The following RELN variants were observed in gnomAD, a reference collection of about 807,000 sequenced individuals.
The protein encoded by RELN is reelin.
In RELN, 108 loss-of-function variants were observed where a neutral mutation model predicts 427.6. The ratio of observed to expected loss-of-function variants is 0.25; its 90% confidence interval spans 0.22 to 0.30. The LOEUF is 0.30. RELN is among the 10% of genes least tolerant of loss of function. The pLI, the probability that RELN is intolerant of heterozygous loss-of-function variation, is 1.00. For synonymous variants in RELN, 1,524 were observed against 1,513.4 expected (o/e 1.01, Z -0.16); for missense variants, 3,715 against 4,302.8 (o/e 0.86, Z 3.82).
chr7:103,926,229 T>C lies in RELN; in HGVS notation c.227-9044A>G, dbSNP rs185044222. On this transcript the variant is annotated intron_variant, in intron 1 of 64. Transcript: ENST00000428762. Reference sequence around the variant, plus strand: ...GATTGTTCTGCCTCAGCCTCCCAAGTAGCTGGGACTACGGGTACGTGCCAT... The same window carrying C: ...GATTGTTCTGCCTCAGCCTCCCAAGCAGCTGGGACTACGGGTACGTGCCAT... Among the ~76,000 whole-genome samples, 356 of 150,014 alleles carry C rather than the reference T, an allele frequency of 2.4e-3. 3 individuals carry two copies. Among genetic ancestry groups the C allele is most frequent in the African/African-American group, 8.3e-3 (338 of 40,680 alleles).
At chr7:103,850,341 G>A (rs774087205) in intron 2 of RELN, among the ~76,000 whole-genome samples, 9 of 152,186 alleles carry the variant, frequency 5.9e-5, no homozygotes, top group Non-Finnish European at 1.0e-4. Flanking sequence ...AGAAGCTGAA[G>A]GTCTGTTTGC....
intron 19 of RELN, among the ~76,000 whole-genome samples, chr7:103,630,533 A>T (rs961488853): frequency 8.5e-5 from 13 of 152,210 alleles, no homozygotes; most frequent in Non-Finnish European, 1.5e-4. Flanking sequence ...AGTTTAGCAT[A>T]GTGTGTGAGG....
At chr7:103,737,160 C>A (rs1790515318) in intron 6 of RELN, among the ~76,000 whole-genome samples, 2 of 152,070 alleles carry the variant, frequency 1.3e-5, no homozygotes, top group East Asian at 1.9e-4. Context: ...GAGGTTCTGG[C>A]AAGGGTATGT....
chr7:103,866,883 A>G (rs1020529355), intron 2 of RELN, among the ~76,000 whole-genome samples: 2 of 151,958 alleles, frequency 1.3e-5, no homozygotes, highest in African/African-American at 4.8e-5. Context: ...TGACATACAT[A>G]CTCTAGAGAC....
At chr7:103,629,519 A>G (rs949751133) in intron 20 of RELN, among the ~76,000 whole-genome samples, 10 of 152,198 alleles carry the variant, frequency 6.6e-5, no homozygotes, top group African/African-American at 2.2e-4. Flanking sequence ...GCTACTCATG[A>G]TAAATTTTAT....
chr7:103,604,292 C>G (rs987650275), intron 23 of RELN, 54 bp downstream of exon 23: 1 of 1,609,680 alleles, frequency 6.2e-7, no homozygotes, highest in Non-Finnish European at 8.5e-7. Flanking sequence ...GTGGTATCCT[C>G]CAGCCACAAA....
intron 8 of RELN, among the ~76,000 whole-genome samples, chr7:103,714,308 TTTATTACTC>T (rs1288541942): frequency 6.6e-6 from 1 of 152,198 alleles, no homozygotes; most frequent in Non-Finnish European, 1.5e-5. Context: ...GCAACTTGTT[TTTATTACTC>T]TTATTACCTT....
At chr7:103,631,799 TAGAA>T (rs1832473400) in intron 19 of RELN, among the ~76,000 whole-genome samples, 2 of 152,048 alleles carry the variant, frequency 1.3e-5, no homozygotes, top group South Asian at 4.1e-4. Context: ...ACATAATATA[TAGAA>T]AGAAACTAAA....
At chr7:103,621,320 T>C (rs1412479681) in intron 20 of RELN, among the ~76,000 whole-genome samples, 1 of 152,246 alleles carries the variant, frequency 6.6e-6, no homozygotes, top group Non-Finnish European at 1.5e-5. Context: ...GAATATTAAA[T>C]TTAGCAATTA....
At chr7:103,619,066 G>A (rs1410589254) in intron 20 of RELN, among the ~76,000 whole-genome samples, 5 of 151,768 alleles carry the variant, frequency 3.3e-5, no homozygotes, top group Non-Finnish European at 7.4e-5. Context: ...CTGAGATTGC[G>A]CCACTGCACT....
At chr7:103,892,221 T>C (rs1253701919) in intron 2 of RELN, among the ~76,000 whole-genome samples, 1 of 152,196 alleles carries the variant, frequency 6.6e-6, no homozygotes, top group Non-Finnish European at 1.5e-5. Flanking sequence ...CGAAGCCTTA[T>C]GGAGACAGTA....
chr7:103,835,834 T>C (rs1173556570), intron 2 of RELN, among the ~76,000 whole-genome samples: 3 of 152,146 alleles, frequency 2.0e-5, no homozygotes, highest in African/African-American at 7.2e-5. Flanking sequence ...CCTAGTACCC[T>C]ATCTGGAAGC....
In RELN at chr7:103,557,804, C is replaced by A. The variant is rs6964157; in HGVS notation, c.5614+161G>T. On this transcript the variant is annotated intron_variant, in intron 37 of 64. Transcript: ENST00000428762. ...TTTCTTGCCCTTATATTAAGATAAA[C>A]TTACATTAAAGAAAAACATTTGCAA... 0.25 allele frequency among the ~76,000 whole-genome samples: 38,630 copies of A among 151,950 alleles called. 5,068 individuals carry two copies. The highest frequency in any genetic ancestry group is 0.34 in the Middle Eastern group (99 of 292).
Position 103,557,146 on chromosome 7 carries a change from T to G in RELN, c.5628A>C (p.Arg1876Ser). The change falls in exon 38 of 65, where the codon AGA becomes AGC. Residue 1876 changes from arginine to serine, a missense_variant. Coordinates refer to ENST00000428762, the MANE Select transcript of RELN (RefSeq NM_005045.4). ...LRFIAKSTPE[R>S]SHSILLQFSI... Reference sequence around the variant, plus strand: ...AGAATTGTAACAGAATAGAGTGAGATCTCTCTGGGGTACCTAGGAAGAAGA... The same window carrying G: ...AGAATTGTAACAGAATAGAGTGAGAGCTCTCTGGGGTACCTAGGAAGAAGA... 1.9e-6 allele frequency: 3 copies of G among 1,612,864 alleles called. No homozygotes were observed. Among genetic ancestry groups the G allele is most frequent in the Non-Finnish European group, 2.5e-6 (3 of 1,178,936 alleles).
chr7:103,757,533 G>A (rs1249067033), intron 4 of RELN, among the ~76,000 whole-genome samples: 3 of 152,166 alleles, frequency 2.0e-5, no homozygotes, highest in Non-Finnish European at 4.4e-5. Context: ...TTGTCAAATG[G>A]CTTAAACTAG....
intron 1 of RELN, among the ~76,000 whole-genome samples, chr7:103,922,165 T>C (rs1423797805): frequency 6.6e-6 from 1 of 152,078 alleles, no homozygotes; most frequent in African/African-American, 2.4e-5. Context: ...ACTGGGCCAT[T>C]GTTATTCTTA....
intron 28 of RELN, among the ~76,000 whole-genome samples, chr7:103,579,622 G>A (rs925092038): frequency 6.0e-5 from 9 of 149,480 alleles, no homozygotes; most frequent in African/African-American, 2.2e-4. Flanking sequence ...AAAAAAGTAC[G>A]TCACAGTGTG....
At chr7:103,526,421 T>C (rs1829823683) in intron 46 of RELN, among the ~76,000 whole-genome samples, 2 of 152,218 alleles carry the variant, frequency 1.3e-5, no homozygotes, top group Admixed American at 1.3e-4. Flanking sequence ...GTAGGTTCTA[T>C]GTCCACGGTG....
intron 3 of RELN, among the ~76,000 whole-genome samples, chr7:103,831,523 C>T (rs1355110940): frequency 2.0e-5 from 3 of 152,062 alleles, no homozygotes; most frequent in Non-Finnish European, 4.4e-5. Context: ...TGACTATACG[C>T]GTCAATTTTG....
Sources: gnomAD v4.1 joint callset for allele counts (sites outside exome capture counted in the v4.1 genomes callset) on GRCh38, gnomAD v4.1.1 for gene constraint, MANE v1.5 for transcripts, NCBI Gene and HGNC (gene_info 2026-07-23, HGNC 2026-07-21) for gene names.